ZFHX3: variants seen among roughly 807,000 people sequenced by gnomAD.
ZFHX3 encodes zinc finger homeobox 3, also known as zinc finger homeobox protein 3.
In ZFHX3, 42 loss-of-function variants were observed where a neutral mutation model predicts 279.1. The ratio of observed to expected loss-of-function variants is 0.15; its 90% CI spans 0.12 to 0.19. The LOEUF (loss-of-function observed/expected upper bound fraction) is 0.19, where lower values mean the gene tolerates loss of function less well. Among genes scored for constraint, ZFHX3 ranks in the 10% least tolerant of loss-of-function variants. The pLI, the probability that ZFHX3 is intolerant of heterozygous loss-of-function variation, is 1.00. For synonymous variants in ZFHX3, 2,293 were observed against 1,957.8 expected, an observed-to-expected ratio of 1.17 and a Z score of -4.52; for missense variants, 4,981 against 4,754.0, an observed-to-expected ratio of 1.05 and a Z score of -1.40.
At chr16:73,082,021 G>A (rs1597150369) in intron 8 of ZFHX3, among the ~76,000 whole-genome samples, 1 of 151,922 alleles carries the variant, frequency 6.6e-6, no homozygotes, top group Non-Finnish European at 1.5e-5. Flanking sequence ...ATTTTTACTA[G>A]AGACGGGGTT....
At chr16:73,247,344 T>C (rs1567429398) in intron 5 of ZFHX3, among the ~76,000 whole-genome samples, 1 of 152,000 alleles carries the variant, frequency 6.6e-6, no homozygotes, top group East Asian at 1.9e-4. Flanking sequence ...ATACTGTGTA[T>C]ATAACGTATT....
chr16:73,209,492 C>G (rs1453574986), intron 5 of ZFHX3, among the ~76,000 whole-genome samples: 3 of 152,136 alleles, frequency 2.0e-5, no homozygotes, highest in African/African-American at 7.2e-5. Flanking sequence ...AATGCTGTTC[C>G]TCACATGGTA....
intron 3 of ZFHX3, among the ~76,000 whole-genome samples, chr16:73,356,509 G>T (rs528736315): frequency 1.3e-5 from 2 of 152,100 alleles, no homozygotes; most frequent in African/African-American, 4.8e-5. Flanking sequence ...CCTCACGGCG[G>T]TGACACATGC....
At chr16:73,054,599 G>A (rs762389265) in intron 1 of ZFHX3, among the ~76,000 whole-genome samples, 2 of 152,098 alleles carry the variant, frequency 1.3e-5, no homozygotes, top group Non-Finnish European at 2.9e-5. Context: ...AAGAGGTGGC[G>A]AAGAGACAAT....
intron 3 of ZFHX3, among the ~76,000 whole-genome samples, chr16:73,417,800 G>A (rs756936065): frequency 3.3e-5 from 5 of 150,440 alleles, no homozygotes; most frequent in Admixed American, 6.6e-5. Context: ...GTGAAACCCC[G>A]TCTCTATAAA....
intron 4 of ZFHX3, among the ~76,000 whole-genome samples, chr16:73,265,498 C>T (rs552054249): frequency 7.2e-5 from 11 of 152,212 alleles, no homozygotes; most frequent in Admixed American, 4.6e-4. Context: ...TTTGTGAATG[C>T]TAATTTTCTA....
chr16:73,100,373 G>A (rs1017767057), intron 7 of ZFHX3, among the ~76,000 whole-genome samples: 27 of 152,130 alleles, frequency 1.8e-4, no homozygotes, highest in Non-Finnish European at 7.3e-5. Context: ...GAGCTGAGAC[G>A]ATCTCACCAA....
At chr16:72,938,706 G>A (rs115738347) in intron 3 of ZFHX3, among the ~76,000 whole-genome samples, 62 of 152,328 alleles carry the variant, frequency 4.1e-4, no homozygotes, top group African/African-American at 1.4e-3. Flanking sequence ...GAATTAGGGC[G>A]GCAAGACCCT....
chr16:72,900,674 G>A (rs569627596), intron 3 of ZFHX3, among the ~76,000 whole-genome samples: 95 of 152,290 alleles, frequency 6.2e-4, no homozygotes, highest in African/African-American at 2.2e-3. Flanking sequence ...AGCGTGCATC[G>A]GAAGCACCTG....
At chr16:73,784,504 T>C (rs779026903) in intron 1 of ZFHX3, among the ~76,000 whole-genome samples, 8 of 152,084 alleles carry the variant, frequency 5.3e-5, no homozygotes, top group Admixed American at 1.3e-4. Flanking sequence ...ATCCCAGCAC[T>C]TTGGGAGGCC....
Position 72,958,846 on chromosome 16 carries a change from T to C in ZFHX3, c.1300A>G (p.Lys434Glu), listed in dbSNP as rs1961404096. The change falls in exon 2 of 10, where the codon AAG (lysine) becomes GAG (glutamate). Residue 434 changes from lysine to glutamate, a missense_variant. Lys to Glu is a moderately conservative substitution (Grantham distance 56, BLOSUM62 1). Transcript: ENST00000268489. ...TCTCCTTCTGCCGCCCCAGAGTCCT[T>C]GCCCTCTGAGGATTTGGTAGGACTG... ...ASSPTKSSEG[K>E]DSGAAEGEKQ... 2 of 1,613,996 alleles carry C rather than the reference T, an allele frequency of 1.2e-6. No individual in the cohort carries two copies. The highest frequency in any genetic ancestry group is 1.3e-5 in the African/African-American group (1 of 75,042).
At chr16:73,075,205 T>C (rs1381490809) in intron 8 of ZFHX3, among the ~76,000 whole-genome samples, 1 of 152,032 alleles carries the variant, frequency 6.6e-6, no homozygotes, top group Non-Finnish European at 1.5e-5. Context: ...TCACAGTGCT[T>C]AGAGAGGCTG....
At chr16:72,880,502 CA>C in intron 4 of ZFHX3, among the ~76,000 whole-genome samples, 1 of 152,222 alleles carries the variant, frequency 6.6e-6, no homozygotes, top group East Asian at 1.9e-4. Flanking sequence ...CGGGAGAAGC[CA>C]AAACTGCCGG....
intron 1 of ZFHX3, among the ~76,000 whole-genome samples, chr16:73,853,839 A>T (rs1344078072): frequency 6.6e-6 from 1 of 152,174 alleles, no homozygotes; most frequent in Non-Finnish European, 1.5e-5. Flanking sequence ...ATAAATTTTT[A>T]AAAAAGACTG....
intron 2 of ZFHX3, among the ~76,000 whole-genome samples, chr16:73,583,922 G>C (rs13333277): frequency 0.028 from 4,260 of 151,802 alleles, 194 homozygotes; most frequent in African/African-American, 0.097. Context: ...ATAATAAAAA[G>C]AATAGGAAAA....
At chr16:73,819,404 T>C (rs945993817) in intron 1 of ZFHX3, among the ~76,000 whole-genome samples, 4 of 151,520 alleles carry the variant, frequency 2.6e-5, no homozygotes, top group Admixed American at 2.6e-4. Flanking sequence ...CTAATTGTTG[T>C]TAGGACTAAA....
chr16:73,802,184 T>G (rs1960165617), intron 1 of ZFHX3, among the ~76,000 whole-genome samples: 1 of 152,150 alleles, frequency 6.6e-6, no homozygotes, highest in Non-Finnish European at 1.5e-5. Context: ...AATAAGTTGA[T>G]TCTTCATAAA....
At chr16:73,202,569 G>C (rs1299212316) in intron 5 of ZFHX3, among the ~76,000 whole-genome samples, 2 of 152,206 alleles carry the variant, frequency 1.3e-5, no homozygotes, top group Non-Finnish European at 2.9e-5. Flanking sequence ...GTAATGCTGA[G>C]ACTGGGCCAA....
intron 1 of ZFHX3, among the ~76,000 whole-genome samples, chr16:73,809,941 C>T (rs1019319182): frequency 6.6e-6 from 1 of 152,116 alleles, no homozygotes; most frequent in Non-Finnish European, 1.5e-5. Flanking sequence ...TGCTTGGTAG[C>T]AGTTCAAGGG....
Sources: allele counts gnomAD v4.1 joint callset (sites outside exome capture counted in the v4.1 genomes callset), GRCh38; gene constraint gnomAD v4.1.1; transcripts MANE v1.5; gene names NCBI Gene and HGNC (gene_info 2026-07-23, HGNC 2026-07-21).